NETO1: variants seen among roughly 807,000 people sequenced by gnomAD.
NETO1 encodes the protein neuropilin and tolloid-like protein 1.
In NETO1, 26 loss-of-function variants were observed where a neutral mutation model predicts 61.3. That is an observed-to-expected ratio of 0.42 (90% CI 0.31 to 0.59). The LOEUF (loss-of-function observed/expected upper bound fraction) is 0.59. Among genes scored for constraint, NETO1 ranks in the 20% least tolerant of loss-of-function variants. The pLI is 0.12. For missense variants in NETO1, 531 were observed against 662.8 expected (o/e 0.80, Z 2.18); for synonymous variants, 225 against 225.8 (o/e 1.00, Z 0.03).
intron 4 of NETO1, among the ~76,000 whole-genome samples, chr18:72,802,973 C>T (rs2072556913): frequency 6.6e-6 from 1 of 152,078 alleles, no homozygotes; most frequent in South Asian, 2.1e-4. Context: ...AGAACAAGCA[C>T]CTTGTAGTTG....
chr18:72,755,998 G>C (rs750341866), intron 8 of NETO1, 36 bp downstream of exon 8: 2 of 1,137,602 alleles, frequency 1.8e-6, no homozygotes, highest in South Asian at 2.6e-5. Flanking sequence ...TCCACAGGGA[G>C]GAAATTTTTT....
chr18:72,761,755 G>GTGA (rs2070980581), intron 7 of NETO1, among the ~76,000 whole-genome samples: 1 of 151,926 alleles, frequency 6.6e-6, no homozygotes, highest in Admixed American at 6.6e-5. Context: ...GTTATCTATG[G>GTGA]GTACCTTAAC....
chr18:72,802,625 T>C (rs2072545330), intron 4 of NETO1, among the ~76,000 whole-genome samples: 1 of 152,218 alleles, frequency 6.6e-6, no homozygotes, highest in Non-Finnish European at 1.5e-5. Flanking sequence ...TTTGGTTAAC[T>C]TTCCAATCCT....
chr18:72,751,050 T>C (rs1462367163), intron 8 of NETO1, among the ~76,000 whole-genome samples: 3 of 138,026 alleles, frequency 2.2e-5, no homozygotes, highest in Non-Finnish European at 3.1e-5. Context: ...CATCTTAAAA[T>C]ACACACACAC....
intron 4 of NETO1, chr18:72,835,305 A>T: frequency 6.3e-7 from 1 of 1,597,354 alleles, no homozygotes; most frequent in Non-Finnish European, 8.6e-7. Context: ...CCTGCTAAGG[A>T]GTTTGCCTTT....
rs576281420 is a variant in NETO1 at position 72,851,804 on chromosome 18, G to A, written c.469+7022C>T. 5.9e-5 allele frequency among the ~76,000 whole-genome samples: 9 copies of A among 152,170 alleles called. No individual in the cohort carries two copies. In the East Asian group the frequency reaches 1.2e-3, roughly 20 times the overall value. ...CTTAATTAAATTTCTTAATATAACCGTACTAAAATTACTTGCAATATGTGA... is the reference window on the plus strand; with the variant it reads ...CTTAATTAAATTTCTTAATATAACCATACTAAAATTACTTGCAATATGTGA... On this transcript the variant is annotated intron_variant, in intron 4 of 10. Coordinates refer to ENST00000327305, the MANE Select transcript of NETO1 (RefSeq NM_138966.5).
rs2074780395 is a variant in NETO1, at chr18:72,867,573, C to G, written c.-282G>C. ...TCCCCACCGTGACGCTCGCATCACA[C>G]CCGGGCGCCGGCCGCCACCATCCGC... is the stretch of plus-strand genomic sequence containing the variant. On this transcript the variant is annotated 5_prime_UTR_variant, in exon 1 of 11. Transcript: ENST00000327305. 3.1e-6 allele frequency: 1 copy of G among 323,802 alleles called. No individual in the cohort carries two copies. Among genetic ancestry groups the G allele is most frequent in the African/African-American group, 2.1e-5 (1 of 46,542 alleles). The allele number at this position is 323,802 out of a possible 1,614,324, so 20.1% of individuals were successfully genotyped here. A position where few individuals can be genotyped will look rare whatever the true frequency, so the allele number is the denominator to read the frequency against.
intron 4 of NETO1, among the ~76,000 whole-genome samples, chr18:72,797,504 T>C (rs1375112726): frequency 6.6e-6 from 1 of 152,214 alleles, no homozygotes; most frequent in African/African-American, 2.4e-5. Flanking sequence ...ATTATAAAGA[T>C]TGATTGGCCA....
At chr18:72,807,456 G>A (rs1424693936) in intron 4 of NETO1, among the ~76,000 whole-genome samples, 4 of 151,998 alleles carry the variant, frequency 2.6e-5, no homozygotes, top group Admixed American at 2.6e-4. Flanking sequence ...TCCTCATGGT[G>A]CGTGTATTCA....
intron 4 of NETO1, among the ~76,000 whole-genome samples, chr18:72,853,907 G>A (rs2074335640): frequency 6.6e-6 from 1 of 151,116 alleles, no homozygotes. Context: ...TCAGAACTCT[G>A]ATTATCTAGC....
chr18:72,822,835 C>A (rs1474370715), intron 4 of NETO1, among the ~76,000 whole-genome samples: 1 of 152,064 alleles, frequency 6.6e-6, no homozygotes, highest in East Asian at 1.9e-4. Flanking sequence ...GCAATAAATT[C>A]TCTAAAATAA....
chr18:72,743,082 A>T (rs559619307), downstream of NETO1, among the ~76,000 whole-genome samples: 1 of 152,330 alleles, frequency 6.6e-6, no homozygotes, highest in Admixed American at 6.5e-5. Flanking sequence ...TGAAAGTAGA[A>T]ATCTTAAGTT....
At chr18:72,841,789 G>T (rs962324655) in intron 4 of NETO1, among the ~76,000 whole-genome samples, 1 of 144,726 alleles carries the variant, frequency 6.9e-6, no homozygotes, top group Non-Finnish European at 1.5e-5. Flanking sequence ...GAGCATGCCC[G>T]AAATGGAACA....
intron 4 of NETO1, among the ~76,000 whole-genome samples, chr18:72,837,089 T>C (rs554328418): frequency 6.6e-6 from 1 of 152,304 alleles, no homozygotes; most frequent in South Asian, 2.1e-4. Flanking sequence ...CTTCAATAAA[T>C]CAAGATGTAT....
chr18:72,751,076 C>CACAA, intron 8 of NETO1, among the ~76,000 whole-genome samples: 1 of 151,886 alleles, frequency 6.6e-6, no homozygotes, highest in African/African-American at 2.4e-5. Flanking sequence ...CACACACACA[C>CACAA]AATCTATCTA....
In NETO1 at chr18:72,867,415, G is replaced by C. The variant is rs1404851379; in HGVS notation, c.-124C>G. 1.6e-5 allele frequency: 10 copies of C among 619,408 alleles called. No homozygotes were observed. In the East Asian group the frequency reaches 3.1e-4, roughly 19 times the overall value. 38.4% of individuals were successfully genotyped at this position (619,408 alleles called of 1,614,324 possible). Reference sequence around the variant, plus strand: ...AGACGCAAAGCAAGAAGGAAATAAAGGGGGGCCGAGAGGGAGACCGAGAGG... The same window carrying C: ...AGACGCAAAGCAAGAAGGAAATAAACGGGGGCCGAGAGGGAGACCGAGAGG... On this transcript the variant is annotated 5_prime_UTR_variant, in exon 1 of 11. Coordinates refer to ENST00000327305, the MANE Select transcript of NETO1 (RefSeq NM_138966.5).
intron 7 of NETO1, among the ~76,000 whole-genome samples, chr18:72,761,794 C>T (rs1241125174): frequency 1.3e-5 from 2 of 152,098 alleles, no homozygotes; most frequent in Non-Finnish European, 2.9e-5. Flanking sequence ...ATAAAATAAT[C>T]TTCAGTTAAC....
At chr18:72,793,381 A>G (rs1006019251) in intron 6 of NETO1, among the ~76,000 whole-genome samples, 1 of 152,190 alleles carries the variant, frequency 6.6e-6, no homozygotes, top group Admixed American at 6.5e-5. Context: ...CAGAATCACC[A>G]TAGTTGTGCT....
At chr18:72,792,802 G>A (rs1043750658) in intron 6 of NETO1, among the ~76,000 whole-genome samples, 4 of 151,732 alleles carry the variant, frequency 2.6e-5, no homozygotes, top group African/African-American at 9.7e-5. Context: ...GCTTTCATGT[G>A]GTCACGTGCA....
Sources: allele counts gnomAD v4.1 joint callset (sites outside exome capture counted in the v4.1 genomes callset), GRCh38; gene constraint gnomAD v4.1.1; transcripts MANE v1.5; gene names NCBI Gene and HGNC (gene_info 2026-07-23, HGNC 2026-07-21).